The following VPS13B variants were observed in gnomAD, a reference collection of about 807,000 sequenced individuals.
The protein encoded by VPS13B is intermembrane lipid transfer protein VPS13B.
Under a neutral mutation model 426.4 loss-of-function variants are expected in VPS13B, and 285 were observed. The ratio of observed to expected loss-of-function variants is 0.67; its 90% CI spans 0.61 to 0.74. VPS13B has a LOEUF of 0.74. VPS13B is among the 30% of genes least tolerant of loss of function. The probability of loss-of-function intolerance (pLI) is 0.00; values close to 1 mark genes in which losing one functional copy is unlikely to be tolerated. For synonymous variants in VPS13B, 1,676 were observed against 1,676.4 expected (o/e 1.00, Z 0.01); for missense variants, 4,537 against 4,782.6 (o/e 0.95, Z 1.51).
chr8:99,026,752 A>G (rs1427998405), intron 2 of VPS13B, among the ~76,000 whole-genome samples: 8 of 152,194 alleles, frequency 5.3e-5, no homozygotes, highest in Non-Finnish European at 1.2e-4. Context: ...TTTCTGATAT[A>G]AGGATAACTA....
At chr8:99,360,180 TTCTTTCTTTCTCTCTCTC>T (rs1812457292) in intron 19 of VPS13B, among the ~76,000 whole-genome samples, 2 of 40,804 alleles carry the variant, frequency 4.9e-5, no homozygotes, top group African/African-American at 1.1e-4. Flanking sequence ...CTTTCTTTCT[TTCTTTCTTTCTCTCTCTC>T]TCTCTCTCTC....
rs1010822336 is a variant in VPS13B, at chr8:99,360,224, T to C, written c.2825-23984T>C. Reference sequence around the variant, plus strand: ...TCTCTCTCTCTCTTTCTTTCTTTCTTTCTTTCTTTCTCTCTCTCCTTCCTT... The same window carrying C: ...TCTCTCTCTCTCTTTCTTTCTTTCTCTCTTTCTTTCTCTCTCTCCTTCCTT... On this transcript the variant is annotated intron_variant, in intron 19 of 61. Coordinates refer to ENST00000357162, the MANE Select transcript of VPS13B (RefSeq NM_152564.5). Among the ~76,000 whole-genome samples, 95 of 15,952 alleles carry C rather than the reference T, an allele frequency of 6.0e-3. 1 individual carries two copies. The highest frequency in any genetic ancestry group is 8.8e-3 in the African/African-American group (47 of 5,316). The allele number at this position is 15,952 out of a possible 152,430, so 10.5% of individuals were successfully genotyped here.
At chr8:99,862,373 C>T (rs556084347) in intron 58 of VPS13B, among the ~76,000 whole-genome samples, 7 of 152,282 alleles carry the variant, frequency 4.6e-5, no homozygotes, top group East Asian at 3.9e-4. Context: ...GCAAATGTCA[C>T]GTAAACTTCA....
chr8:99,846,564 T>G (rs1815994808), intron 54 of VPS13B, among the ~76,000 whole-genome samples: 1 of 152,190 alleles, frequency 6.6e-6, no homozygotes, highest in Non-Finnish European at 1.5e-5. Flanking sequence ...GGCTACAAGG[T>G]GTGAGTTGTT....
rs78260251 is a variant in VPS13B, at chr8:99,835,492, T to G, written c.9743-47T>G. On this transcript the variant is annotated intron_variant, in intron 53 of 61. Coordinates refer to ENST00000357162, the MANE Select transcript of VPS13B (RefSeq NM_152564.5). The stretch of plus-strand genomic sequence containing the variant: ...CACATTATGTTCTGTCCCCCAAGTC[T>G]CTGTCTTTAAGGGCTAATTCTGCAT... 1.9e-3 allele frequency: 2,981 copies of G among 1,588,254 alleles called. 57 individuals carry two copies. In the African/African-American group the frequency reaches 0.036, roughly 19 times the overall value.
chr8:99,753,041 G>GT (rs1406177703), intron 39 of VPS13B, among the ~76,000 whole-genome samples: 2 of 151,996 alleles, frequency 1.3e-5, no homozygotes, highest in Admixed American at 6.6e-5. Context: ...TCCTTGACAG[G>GT]TTTTTTTAAC....
At chr8:99,095,359 A>C (rs560176536) in intron 3 of VPS13B, among the ~76,000 whole-genome samples, 46 of 152,292 alleles carry the variant, frequency 3.0e-4, no homozygotes, top group Admixed American at 3.0e-3. Flanking sequence ...TGTACGTGCT[A>C]CATACGTTGA....
At chr8:99,501,222 G>A (rs1821217970) in intron 25 of VPS13B, among the ~76,000 whole-genome samples, 1 of 152,140 alleles carries the variant, frequency 6.6e-6, no homozygotes, top group Admixed American at 6.5e-5. Context: ...TTTCTGTAAA[G>A]GGCTGGTTAG....
intron 35 of VPS13B, among the ~76,000 whole-genome samples, chr8:99,689,029 C>T (rs2130063719): frequency 6.6e-6 from 1 of 152,046 alleles, no homozygotes; most frequent in East Asian, 1.9e-4. Context: ...TAGTCACTAT[C>T]TTGAAAAAGG....
chr8:99,751,100 C>A (rs1470292075), intron 39 of VPS13B, among the ~76,000 whole-genome samples: 2 of 152,140 alleles, frequency 1.3e-5, no homozygotes, highest in African/African-American at 2.4e-5. Context: ...CAGAGGTCAA[C>A]TAAGATAACT....
intron 51 of VPS13B, among the ~76,000 whole-genome samples, chr8:99,830,140 C>T (rs1207203882): frequency 6.6e-6 from 1 of 152,188 alleles, no homozygotes; most frequent in East Asian, 1.9e-4. Flanking sequence ...CTGGGAGATC[C>T]ACTGCTCTCT....
chr8:99,450,042 A>T (rs1042141807), intron 23 of VPS13B, among the ~76,000 whole-genome samples: 16 of 152,104 alleles, frequency 1.1e-4, no homozygotes, highest in African/African-American at 3.9e-4. Context: ...TGACCTCGTG[A>T]TCCACCCCTC....
intron 19 of VPS13B, among the ~76,000 whole-genome samples, chr8:99,307,806 T>C (rs972970609): frequency 2.0e-5 from 3 of 152,116 alleles, no homozygotes; most frequent in Admixed American, 6.6e-5. Context: ...ATTTTGGGTT[T>C]GGTTTGTTCT....
Position 99,568,289 on chromosome 8 carries a change from TATTA to T in VPS13B, c.4950-7368_4950-7365del, listed in dbSNP as rs1184025105. ...ATATACCGATAACTATTATTATTAT[TATTA>T]TTATTATTTTTTTTTGAGACGGAGT... On this transcript the variant is annotated intron_variant, in intron 31 of 61. Coordinates refer to ENST00000357162, the MANE Select transcript of VPS13B (RefSeq NM_152564.5). Among the ~76,000 whole-genome samples, 283 of 148,326 alleles carry T rather than the reference TATTA, an allele frequency of 1.9e-3. 2 individuals are homozygous for T. The highest frequency in any genetic ancestry group is 5.0e-3 in the African/African-American group (200 of 39,904).
chr8:99,706,211 T>C (rs1427903627), intron 36 of VPS13B, among the ~76,000 whole-genome samples: 1 of 152,076 alleles, frequency 6.6e-6, no homozygotes, highest in Non-Finnish European at 1.5e-5. Context: ...CTGCCTGTAA[T>C]GGATTAAAAT....
At chr8:99,710,135 A>G (rs1832650873) in intron 36 of VPS13B, among the ~76,000 whole-genome samples, 1 of 152,246 alleles carries the variant, frequency 6.6e-6, no homozygotes, top group African/African-American at 2.4e-5. Flanking sequence ...ACAAGTACAG[A>G]AAATGTACAG....
At chr8:99,260,783 C>T (rs1017565436) in intron 17 of VPS13B, among the ~76,000 whole-genome samples, 1 of 151,886 alleles carries the variant, frequency 6.6e-6, no homozygotes, top group African/African-American at 2.4e-5. Context: ...TCTGAAGAAC[C>T]AAACTCTGTC....
At chr8:99,430,899 G>A (rs1378583946) in intron 21 of VPS13B, among the ~76,000 whole-genome samples, 1 of 152,078 alleles carries the variant, frequency 6.6e-6, no homozygotes, top group Non-Finnish European at 1.5e-5. Context: ...TGTAGTTTTA[G>A]TAGAGACGGG....
Position 99,875,466 on chromosome 8 carries a change from G to A in VPS13B, c.11794G>A (p.Val3932Met), listed in dbSNP as rs2130990241. The A allele has an allele frequency of 1.9e-6, 3 of 1,614,166 alleles. No individual in the cohort carries two copies. The highest frequency in any genetic ancestry group is 2.5e-6 in the Non-Finnish European group (3 of 1,180,026). Reference protein sequence around the residue: ...RLSEQQYNRLVDYITKTSCHL... With the variant: ...RLSEQQYNRLMDYITKTSCHL... ...GTCAGAGCAACAGTACAACAGACTG[G>A]TGGACTACATCACAAAGACATCTTG... The change falls in exon 62 of 62, where the codon GTG (valine) becomes ATG (methionine). Residue 3932 changes from valine (V) to methionine (M), a missense_variant. Val to Met is a conservative substitution (Grantham distance 21). Around this residue, in one of 2 missense-constraint regions of VPS13B, gnomAD observed 4,311 missense variants for 4,474.3 expected, o/e 0.96. Coordinates refer to ENST00000357162, the MANE Select transcript of VPS13B (RefSeq NM_152564.5).
Sources: allele counts gnomAD v4.1 joint callset (sites outside exome capture counted in the v4.1 genomes callset), GRCh38; gene constraint gnomAD v4.1.1; regional missense constraint gnomAD v4.1.1; transcripts MANE v1.5; gene names NCBI Gene and HGNC (gene_info 2026-07-23, HGNC 2026-07-21).